The following ZNF438 variants were observed in gnomAD, a reference collection of about 807,000 sequenced individuals.
The protein encoded by ZNF438 is zinc finger protein 438.
Under a neutral mutation model 38.0 loss-of-function variants are expected in ZNF438, and 25 were observed. The observed-to-expected ratio is 0.66, with a 90% confidence interval of 0.48 to 0.92. ZNF438 has a LOEUF of 0.92. Ranked by LOEUF, ZNF438 falls within the 40% of genes least tolerant of loss-of-function variation. The probability of loss-of-function intolerance (pLI) is 0.00; values close to 1 mark genes in which losing one functional copy is unlikely to be tolerated. For missense variants in ZNF438, 1,007 were observed against 999.6 expected (o/e 1.01, Z -0.10); for synonymous variants, 372 against 364.1 (o/e 1.02, Z -0.25).
chr10:30,865,639 C>T (rs572092687), intron 4 of ZNF438, among the ~76,000 whole-genome samples: 32 of 152,214 alleles, frequency 2.1e-4, no homozygotes, highest in Non-Finnish European at 4.6e-4. Context: ...CTTTACTAAA[C>T]TTGATAATAT....
In ZNF438 at chr10:30,975,957, GAGA is replaced by G. The variant is rs372093720; in HGVS notation, c.-191-34309_-191-34307del. Among the ~76,000 whole-genome samples the G allele has an allele frequency of 9.0e-3, 1,361 of 152,058 alleles. 8 individuals carry two copies. Among genetic ancestry groups the G allele is most frequent in the Non-Finnish European group, 0.016 (1,104 of 67,966 alleles). On this transcript the variant is annotated intron_variant, in intron 1 of 5. Transcript: ENST00000413025. ...ATCTTAGATCATATTAATGAAAACAGAGAAGCAGATAAGTAAAAACATATTAAA... is the reference window on the plus strand; with the variant it reads ...ATCTTAGATCATATTAATGAAAACAGAGCAGATAAGTAAAAACATATTAAA...
At chr10:30,949,346 C>T (rs541705128) in intron 1 of ZNF438, among the ~76,000 whole-genome samples, 7 of 152,086 alleles carry the variant, frequency 4.6e-5, no homozygotes, top group Non-Finnish European at 8.8e-5. Flanking sequence ...CATCAACTAA[C>T]GAGCAAAATA....
chr10:30,914,838 T>A (rs1036470143), intron 2 of ZNF438, among the ~76,000 whole-genome samples: 2 of 151,982 alleles, frequency 1.3e-5, no homozygotes, highest in African/African-American at 4.8e-5. Flanking sequence ...AAAATCAATA[T>A]TTTTAAAAAG....
At chr10:30,857,707 A>G (rs2034900768) in intron 4 of ZNF438, 2 of 1,505,792 alleles carry the variant, frequency 1.3e-6, no homozygotes, top group Admixed American at 4.0e-5. Flanking sequence ...GAAATCCAGA[A>G]AGGCTGTTGG....
chr10:30,991,192 G>T (rs2053452447), intron 1 of ZNF438, among the ~76,000 whole-genome samples: 2 of 152,268 alleles, frequency 1.3e-5, no homozygotes, highest in Non-Finnish European at 2.9e-5. Context: ...TCAAGAATAT[G>T]GGGGCTCCTT....
intron 4 of ZNF438, among the ~76,000 whole-genome samples, chr10:30,858,962 A>T (rs1187963324): frequency 1.3e-5 from 2 of 152,118 alleles, no homozygotes; most frequent in East Asian, 3.8e-4. Flanking sequence ...TTCTTTATCA[A>T]TACTGTTTCT....
upstream of ZNF438, chr10:31,032,008 C>G (rs570995037): frequency 6.6e-6 from 1 of 152,220 alleles, no homozygotes; most frequent in African/African-American, 2.4e-5. Context: ...CGCACCTCCC[C>G]GTAGCAGACA....
At chr10:30,966,623 T>C (rs933312239) in intron 1 of ZNF438, among the ~76,000 whole-genome samples, 2 of 150,416 alleles carry the variant, frequency 1.3e-5, no homozygotes, top group African/African-American at 4.9e-5. Context: ...TGAGCTGAGA[T>C]TGCGCCACTG....
chr10:30,990,977 C>T (rs1426944844), intron 1 of ZNF438, among the ~76,000 whole-genome samples: 2 of 151,798 alleles, frequency 1.3e-5, no homozygotes, highest in Non-Finnish European at 2.9e-5. Context: ...TTGTTTAAAA[C>T]AACCACTTAA....
At chr10:30,903,709 A>G (rs2042291274) in intron 3 of ZNF438, among the ~76,000 whole-genome samples, 1 of 152,152 alleles carries the variant, frequency 6.6e-6, no homozygotes, top group South Asian at 2.1e-4. Context: ...TACCAACAGA[A>G]CTACTCTCCC....
At chr10:30,970,245 T>C (rs997014109) in intron 1 of ZNF438, among the ~76,000 whole-genome samples, 1 of 152,096 alleles carries the variant, frequency 6.6e-6, no homozygotes. Flanking sequence ...AACCCTAATA[T>C]AGTAACCTTT....
At chr10:30,876,967 C>G (rs1419451773) in intron 4 of ZNF438, 31 bp downstream of exon 5, 1 of 1,587,354 alleles carries the variant, frequency 6.3e-7, no homozygotes. Flanking sequence ...ATAACAGACT[C>G]ATCACCATTT....
chr10:30,991,185 A>G (rs1053000627), intron 1 of ZNF438, among the ~76,000 whole-genome samples: 3 of 152,198 alleles, frequency 2.0e-5, no homozygotes, highest in African/African-American at 7.2e-5. Context: ...GGTCCGGTCA[A>G]GAATATGGGG....
intron 3 of ZNF438, among the ~76,000 whole-genome samples, chr10:30,882,181 A>G (rs1299208295): frequency 1.7e-4 from 26 of 152,184 alleles, no homozygotes; most frequent in Admixed American, 1.7e-3. Flanking sequence ...ATTGTATATA[A>G]AAACTCTCAA....
chr10:31,006,426 A>G (rs1259690362), intron 1 of ZNF438, among the ~76,000 whole-genome samples: 1 of 152,202 alleles, frequency 6.6e-6, no homozygotes, highest in Non-Finnish European at 1.5e-5. Flanking sequence ...GAGGTTCGCA[A>G]ATGGTGGTAC....
intron 1 of ZNF438, among the ~76,000 whole-genome samples, chr10:30,991,526 T>C (rs1056932732): frequency 6.6e-6 from 1 of 152,156 alleles, no homozygotes; most frequent in African/African-American, 2.4e-5. Flanking sequence ...GGGGTGTCAC[T>C]CTGGAAGAAG....
intron 1 of ZNF438, among the ~76,000 whole-genome samples, chr10:31,007,575 C>A (rs781467931): frequency 6.6e-6 from 1 of 152,132 alleles, no homozygotes. Flanking sequence ...CCACCGCGCC[C>A]GGCCAGATCT....
At chr10:30,954,929 A>G (rs1054719406) in intron 1 of ZNF438, among the ~76,000 whole-genome samples, 1 of 152,204 alleles carries the variant, frequency 6.6e-6, no homozygotes, top group Non-Finnish European at 1.5e-5. Context: ...TGAGAGAGCA[A>G]AACCTCGAGC....
At chr10:30,877,036 A>G in exon 4 of ZNF438, 1 of 1,605,624 alleles carries the variant, frequency 6.2e-7, no homozygotes, top group East Asian at 2.2e-5. Flanking sequence ...ATTCTGCATT[A>G]TGATGTACTG....
Sources: gnomAD v4.1 joint callset for allele counts (sites outside exome capture counted in the v4.1 genomes callset) on GRCh38, gnomAD v4.1.1 for gene constraint, MANE v1.5 for transcripts, NCBI Gene and HGNC (gene_info 2026-07-23, HGNC 2026-07-21) for gene names.